RAB11FIP3: variants seen among roughly 807,000 people sequenced by gnomAD.
The protein encoded by RAB11FIP3 is RAB11 family interacting protein 3.
In RAB11FIP3, 17 loss-of-function variants were observed where a neutral mutation model predicts 77.8. The observed-to-expected ratio is 0.22, with a 90% CI of 0.15 to 0.33. The LOEUF (loss-of-function observed/expected upper bound fraction) is 0.33, where lower values mean the gene tolerates loss of function less well. Among genes scored for constraint, RAB11FIP3 ranks in the 10% least tolerant of loss-of-function variants. The probability of loss-of-function intolerance (pLI) is 1.00; values close to 1 mark genes in which losing one functional copy is unlikely to be tolerated. For synonymous variants in RAB11FIP3, 437 were observed against 448.2 expected, an observed-to-expected ratio of 0.98 and a Z score of 0.31; for missense variants, 1,005 against 1,011.2, an observed-to-expected ratio of 0.99 and a Z score of 0.08.
intron 3 of RAB11FIP3, 110 bp from the exon 4 acceptor site, chr16:482,415 A>AC: frequency 2.0e-6 from 2 of 1,010,050 alleles, no homozygotes; most frequent in Non-Finnish European, 3.1e-6. Flanking sequence ...CAGGCGTCAG[A>AC]CCCCTCCCTC....
At chr16:466,159 G>C (rs1461310957) in intron 2 of RAB11FIP3, among the ~76,000 whole-genome samples, 3 of 152,180 alleles carry the variant, frequency 2.0e-5, no homozygotes, top group African/African-American at 7.2e-5. Flanking sequence ...GCGTGTTCCT[G>C]GGCCTGTGAC....
At chr16:501,116 A>T (rs1264513361) in intron 6 of RAB11FIP3, among the ~76,000 whole-genome samples, 1 of 152,230 alleles carries the variant, frequency 6.6e-6, no homozygotes, top group Non-Finnish European at 1.5e-5. Context: ...GGGGAAAAAG[A>T]TGGAAATGTT....
At chr16:498,838 G>A (rs1345600938) in intron 6 of RAB11FIP3, among the ~76,000 whole-genome samples, 1 of 152,146 alleles carries the variant, frequency 6.6e-6, no homozygotes, top group Admixed American at 6.6e-5. Flanking sequence ...AGGGGCTAGG[G>A]GCTAGGGGCT....
intron 3 of RAB11FIP3, among the ~76,000 whole-genome samples, chr16:476,906 CG>C (rs2141704698): frequency 6.6e-6 from 1 of 151,960 alleles, no homozygotes; most frequent in South Asian, 2.1e-4. Context: ...CTGACCAACA[CG>C]GTGAAACCCT....
chr16:450,884 G>A (rs1438515850), intron 1 of RAB11FIP3, among the ~76,000 whole-genome samples: 2 of 99,076 alleles, frequency 2.0e-5, no homozygotes, highest in African/African-American at 8.6e-5. Flanking sequence ...CCTTCCCCTC[G>A]CCTGGGGCAC....
intron 3 of RAB11FIP3, among the ~76,000 whole-genome samples, chr16:479,969 A>G (rs553573609): frequency 6.6e-6 from 1 of 151,908 alleles, no homozygotes; most frequent in South Asian, 2.1e-4. Flanking sequence ...GCTCTCAGAC[A>G]TGTACCTATT....
intron 1 of RAB11FIP3, among the ~76,000 whole-genome samples, chr16:444,261 T>A (rs1025225741): frequency 6.6e-6 from 1 of 152,132 alleles, no homozygotes; most frequent in African/African-American, 2.4e-5. Flanking sequence ...ATAAAGAACA[T>A]GGAAATGCCT....
intron 1 of RAB11FIP3, among the ~76,000 whole-genome samples, chr16:457,621 G>C (rs115081963): frequency 0.026 from 3,897 of 151,104 alleles, 185 homozygotes; most frequent in African/African-American, 0.09. Flanking sequence ...AGATTATAAA[G>C]AAAATATAAT....
intron 8 of RAB11FIP3, among the ~76,000 whole-genome samples, chr16:508,212 T>A (rs117042069): frequency 0.012 from 1,787 of 152,288 alleles, 12 homozygotes; most frequent in Non-Finnish European, 0.017. Flanking sequence ...TCCCTGAGAA[T>A]GTGAAGACCT....
intron 1 of RAB11FIP3, among the ~76,000 whole-genome samples, chr16:440,219 C>T (rs564502293): frequency 2.7e-4 from 41 of 152,136 alleles, no homozygotes; most frequent in African/African-American, 8.4e-4. Context: ...CTTATAGTTG[C>T]ATAAAATGGA....
rs527608172 is a variant in RAB11FIP3 at position 500,856 on chromosome 16, C to A, written c.1302-2148C>A. On this transcript the variant is annotated intron_variant, in intron 6 of 13. Transcript: ENST00000262305. ...GAGTCAGCCCCAGAAGTGCCTACGC[C>A]TCTAGGACAGCTCAGAAGTGCTGAC... Among the ~76,000 whole-genome samples, 9 of 152,250 alleles carry A rather than the reference C, an allele frequency of 5.9e-5. No individual in the cohort carries two copies. In the South Asian group the frequency reaches 1.9e-3, roughly 32 times the overall value.
rs1292796621 is a variant in RAB11FIP3 at position 505,786 on chromosome 16, G to A, written c.1499+159G>A. 6.6e-6 allele frequency among the ~76,000 whole-genome samples: 1 copy of A among 152,214 alleles called. No individual in the cohort carries two copies. ...GGGGTGGTGCCAGGTGGTCATCTGA[G>A]CCTACCCAGTGGGCTGCAGGCAGGC... is the stretch of plus-strand genomic sequence containing the variant. On this transcript the variant is annotated intron_variant, in intron 8 of 13. Transcript: ENST00000262305. This position sits in a 1 kb window ranked among gnomAD's most constrained non-coding sequence, Gnocchi z 4.0.
intron 1 of RAB11FIP3, among the ~76,000 whole-genome samples, chr16:432,839 C>T (rs147081014): frequency 1.8e-3 from 268 of 151,488 alleles, no homozygotes; most frequent in African/African-American, 6.0e-3. Context: ...CTCTTGACCT[C>T]GTGATCCACC....
intron 10 of RAB11FIP3, 102 bp from the exon 11 acceptor site, chr16:519,652 G>A (rs1222305678): frequency 1.3e-5 from 19 of 1,480,980 alleles, no homozygotes; most frequent in Non-Finnish European, 1.7e-5. Context: ...CCACCGCGTT[G>A]CTGTTGGGAG....
At chr16:500,446 G>T (rs1210441138) in intron 6 of RAB11FIP3, among the ~76,000 whole-genome samples, 3 of 152,066 alleles carry the variant, frequency 2.0e-5, no homozygotes, top group Non-Finnish European at 4.4e-5. Flanking sequence ...ACTTTGGGGG[G>T]CCGAGGCGCA....
At position 426,123 on chromosome 16, in the gene RAB11FIP3, A is replaced by G; in HGVS notation, c.117A>G (p.Leu39=). The G allele has an allele frequency of 9.9e-7, 1 of 1,008,070 alleles. No individual in the cohort carries two copies. The highest frequency in any genetic ancestry group is 1.2e-6 in the Non-Finnish European group (1 of 846,646). 62.4% of individuals were successfully genotyped at this position (1,008,070 alleles called of 1,614,324 possible). Residue 39 remains leucine (L), a synonymous_variant, in exon 1 of 14, where the codon CTA becomes CTG. Transcript: ENST00000262305. This position sits in a 1 kb window ranked among gnomAD's most constrained non-coding sequence, Gnocchi z 5.0. ...AAQLAPGPAE[L]RLGAPVGGPD... is the part of the protein sequence containing the mutation. The stretch of plus-strand genomic sequence containing the variant: ...AACTGGCTCCGGGCCCTGCGGAGCT[A>G]CGCCTCGGAGCGCCCGTCGGCGGCC...
chr16:465,241 C>T (rs1003242021), intron 2 of RAB11FIP3, among the ~76,000 whole-genome samples: 18 of 152,038 alleles, frequency 1.2e-4, no homozygotes, highest in South Asian at 2.1e-4. Flanking sequence ...TGAGGGAGCC[C>T]GGGGACCCCC....
At chr16:486,323 C>G (rs143808012) in intron 4 of RAB11FIP3, among the ~76,000 whole-genome samples, 1,790 of 152,280 alleles carry the variant, frequency 0.012, 34 homozygotes, top group African/African-American at 0.041. Context: ...AAAACCCCGT[C>G]TCTACTAAAA....
chr16:449,509 G>A (rs1189362669), intron 1 of RAB11FIP3, among the ~76,000 whole-genome samples: 1 of 152,006 alleles, frequency 6.6e-6, no homozygotes, highest in Non-Finnish European at 1.5e-5. Context: ...AGCTAGGTGT[G>A]GTGGCTCACA....
Sources: allele counts gnomAD v4.1 joint callset (sites outside exome capture counted in the v4.1 genomes callset), GRCh38; gene constraint gnomAD v4.1.1; non-coding constraint Gnocchi (gnomAD v3.1); transcripts MANE v1.5; gene names NCBI Gene and HGNC (gene_info 2026-07-23, HGNC 2026-07-21).